APP: variants seen among roughly 807,000 people sequenced by gnomAD.
APP encodes amyloid beta precursor protein.
APP carries 31 observed loss-of-function variants against 101.4 expected under a neutral mutation model. That is an observed-to-expected ratio of 0.31 (90% CI 0.23 to 0.41). The LOEUF is 0.41. Among genes scored for constraint, APP ranks in the 10% least tolerant of loss-of-function variants. The probability of loss-of-function intolerance (pLI) is 1.00; values close to 1 mark genes in which losing one functional copy is unlikely to be tolerated. For synonymous variants in APP, 366 were observed against 364.4 expected, an observed-to-expected ratio of 1.00 and a Z score of -0.05; for missense variants, 839 against 1,003.7, an observed-to-expected ratio of 0.84 and a Z score of 2.22.
chr21:26,084,588 T>G (rs1266704464), intron 3 of APP, among the ~76,000 whole-genome samples: 1 of 152,188 alleles, frequency 6.6e-6, no homozygotes, highest in Admixed American at 6.5e-5. Flanking sequence ...GAAGAGGGCT[T>G]CACTTTCTAA....
chr21:26,097,647 G>A (rs2061973549), intron 2 of APP, among the ~76,000 whole-genome samples: 1 of 152,170 alleles, frequency 6.6e-6, no homozygotes, highest in Non-Finnish European at 1.5e-5. Flanking sequence ...AGGCATTTAG[G>A]AAGAGTGACA....
At chr21:26,073,392 G>A (rs564409262) in intron 3 of APP, among the ~76,000 whole-genome samples, 2 of 152,278 alleles carry the variant, frequency 1.3e-5, no homozygotes, top group South Asian at 4.2e-4. Context: ...CTGAGAGACT[G>A]TGGAGGACAC....
intron 1 of APP, among the ~76,000 whole-genome samples, chr21:26,121,924 G>A (rs924993391): frequency 6.6e-6 from 1 of 152,184 alleles, no homozygotes; most frequent in African/African-American, 2.4e-5. Flanking sequence ...GAGACCATTA[G>A]AGAAGAGAAT....
intron 17 of APP, among the ~76,000 whole-genome samples, chr21:25,887,698 G>T (rs2037426462): frequency 6.6e-6 from 1 of 151,920 alleles, no homozygotes; most frequent in Non-Finnish European, 1.5e-5. Context: ...AGTTTGTTTA[G>T]ATACGCAAAT....
intron 6 of APP, among the ~76,000 whole-genome samples, chr21:26,005,646 A>G (rs1397837207): frequency 2.0e-5 from 3 of 152,238 alleles, no homozygotes; most frequent in Non-Finnish European, 4.4e-5. Flanking sequence ...CACATCTTCA[A>G]TAAGCCGCAT....
chr21:25,947,127 G>GT (rs1334210750), intron 13 of APP, among the ~76,000 whole-genome samples: 1 of 152,180 alleles, frequency 6.6e-6, no homozygotes, highest in Non-Finnish European at 1.5e-5. Context: ...AACGGATGCT[G>GT]TATTACATGT....
At chr21:25,886,700 TC>T (rs894845573) in intron 17 of APP, among the ~76,000 whole-genome samples, 3 of 152,106 alleles carry the variant, frequency 2.0e-5, no homozygotes, top group Non-Finnish European at 2.9e-5. Flanking sequence ...TGGCCTGTGA[TC>T]ATTTTTGATG....
At chr21:26,116,471 T>C (rs2062437305) in intron 1 of APP, among the ~76,000 whole-genome samples, 1 of 152,206 alleles carries the variant, frequency 6.6e-6, no homozygotes, top group Admixed American at 6.5e-5. Flanking sequence ...GCTACAATTT[T>C]CAATTAAATG....
intron 3 of APP, among the ~76,000 whole-genome samples, chr21:26,079,826 ACTAAAAGC>A (rs1395904457): frequency 6.6e-6 from 1 of 152,216 alleles, no homozygotes; most frequent in Non-Finnish European, 1.5e-5. Context: ...ATGGAAACCA[ACTAAAAGC>A]CTATCTAGGC....
At chr21:25,887,150 G>T (rs975288861) in intron 17 of APP, among the ~76,000 whole-genome samples, 1 of 152,170 alleles carries the variant, frequency 6.6e-6, no homozygotes, top group Non-Finnish European at 1.5e-5. Flanking sequence ...AAGGTGACAT[G>T]TCTGGGGAGA....
intron 1 of APP, among the ~76,000 whole-genome samples, chr21:26,166,372 C>T (rs1371203778): frequency 6.6e-6 from 1 of 152,134 alleles, no homozygotes; most frequent in Non-Finnish European, 1.5e-5. Context: ...GACAGCGTTT[C>T]CAAGGGTTTG....
At chr21:25,954,490 A>G (rs186985377) in intron 13 of APP, 100 bp downstream of exon 13, 4 of 1,068,596 alleles carry the variant, frequency 3.7e-6, no homozygotes, top group African/African-American at 3.1e-5. Context: ...AAGCTGTTCT[A>G]TTAACTTCCA....
At chr21:25,944,042 C>G (rs533038970) in intron 13 of APP, among the ~76,000 whole-genome samples, 30 of 152,120 alleles carry the variant, frequency 2.0e-4, no homozygotes, top group East Asian at 1.2e-3. Flanking sequence ...ATGCCCCCCC[C>G]CAACCAAAAG....
intron 8 of APP, among the ~76,000 whole-genome samples, chr21:25,996,511 A>G (rs960880907): frequency 6.6e-6 from 1 of 152,220 alleles, no homozygotes; most frequent in Non-Finnish European, 1.5e-5. Flanking sequence ...ACTCTATTTT[A>G]AAGATCTTTC....
intron 13 of APP, 135 bp downstream of exon 13, chr21:25,954,455 G>A: frequency 6.3e-6 from 5 of 791,258 alleles, no homozygotes; most frequent in South Asian, 1.5e-5. Context: ...GCTAGTTCCA[G>A]CCTGACAGTT....
chr21:25,973,136 T>C (rs889100780), intron 11 of APP, among the ~76,000 whole-genome samples: 13 of 145,628 alleles, frequency 8.9e-5, no homozygotes, highest in Admixed American at 8.9e-4. Context: ...AGAGATAAAA[T>C]AGAATCATAA....
chr21:26,146,495 A>T (rs1013386839), intron 1 of APP, among the ~76,000 whole-genome samples: 2 of 152,210 alleles, frequency 1.3e-5, no homozygotes, highest in Non-Finnish European at 2.9e-5. Context: ...CCTGTGTACT[A>T]TAAAATTCTT....
chr21:26,170,890 G>A (rs1426538350), upstream of APP: 2 of 358,868 alleles, frequency 5.6e-6, no homozygotes, highest in Non-Finnish European at 9.8e-6. Context: ...CGCTCGCGCC[G>A]GGAGGGGCCC....
chr21:26,111,936 C>A, intron 2 of APP, 43 bp downstream of exon 2: 1 of 1,608,920 alleles, frequency 6.2e-7, no homozygotes, highest in Non-Finnish European at 8.5e-7. Flanking sequence ...AAAACAAATG[C>A]ATGTGATCCA....
Sources: allele counts gnomAD v4.1 joint callset (sites outside exome capture counted in the v4.1 genomes callset), GRCh38; gene constraint gnomAD v4.1.1; transcripts MANE v1.5; gene names NCBI Gene and HGNC (gene_info 2026-07-23, HGNC 2026-07-21).